The following ELL2 variants were observed in gnomAD, a reference collection of about 807,000 sequenced individuals.
ELL2 encodes the protein RNA polymerase II elongation factor ELL2.
A neutral mutation model predicts 72.8 loss-of-function variants in ELL2; 21 were observed. That is an observed-to-expected ratio of 0.29 (90% CI 0.20 to 0.42). ELL2 has a LOEUF of 0.42. Ranked by LOEUF, ELL2 falls within the 10% of genes least tolerant of loss-of-function variation. The probability of loss-of-function intolerance (pLI) is 1.00; values close to 1 mark genes in which losing one functional copy is unlikely to be tolerated. For synonymous variants in ELL2, 266 were observed against 283.2 expected (o/e 0.94, Z 0.61); for missense variants, 568 against 772.8 (o/e 0.73, Z 3.14).
intron 3 of ELL2, among the ~76,000 whole-genome samples, chr5:95,918,701 C>T (rs1378173342): frequency 6.6e-6 from 1 of 152,160 alleles, no homozygotes; most frequent in Non-Finnish European, 1.5e-5. Flanking sequence ...ACCCTAACCT[C>T]CCTTGTCTAT....
At chr5:95,898,900 CCTTA>C in intron 7 of ELL2, 90 bp from the exon 8 acceptor site, 1 of 922,852 alleles carries the variant, frequency 1.1e-6, no homozygotes. Context: ...AACTAAGTAA[CCTTA>C]CTTACTATTA....
intron 2 of ELL2, among the ~76,000 whole-genome samples, chr5:95,928,680 T>C (rs542647044): frequency 7.2e-5 from 11 of 152,350 alleles, no homozygotes; most frequent in Middle Eastern, 3.4e-3. Context: ...TATTACCTTT[T>C]GCTTGGACAA....
At chr5:95,931,828 T>G (rs1441268845) in intron 2 of ELL2, among the ~76,000 whole-genome samples, 1 of 134,150 alleles carries the variant, frequency 7.5e-6, no homozygotes, top group Non-Finnish European at 1.5e-5. Context: ...AAAATACTGC[T>G]TTCAGATTCC....
At chr5:95,945,349 A>G (rs1358045476) in intron 1 of ELL2, among the ~76,000 whole-genome samples, 3 of 152,188 alleles carry the variant, frequency 2.0e-5, no homozygotes, top group African/African-American at 4.8e-5. Flanking sequence ...AGTCGTTTAC[A>G]TACTACATGC....
At chr5:95,907,967 G>C (rs1429508833) in intron 4 of ELL2, among the ~76,000 whole-genome samples, 1 of 152,160 alleles carries the variant, frequency 6.6e-6, no homozygotes, top group Non-Finnish European at 1.5e-5. Flanking sequence ...TGTGTGTTTT[G>C]ATTCCATCCT....
At chr5:95,946,047 A>G (rs937555942) in intron 1 of ELL2, among the ~76,000 whole-genome samples, 1 of 152,142 alleles carries the variant, frequency 6.6e-6, no homozygotes, top group African/African-American at 2.4e-5. Flanking sequence ...AACTTGATAA[A>G]CTATTGGAGG....
chr5:95,926,642 A>G (rs1750290439), intron 2 of ELL2, among the ~76,000 whole-genome samples: 1 of 152,142 alleles, frequency 6.6e-6, no homozygotes, highest in African/African-American at 2.4e-5. Context: ...CCAGTATTAA[A>G]ATTTCTAGTT....
intron 2 of ELL2, among the ~76,000 whole-genome samples, chr5:95,921,432 T>C (rs1750081279): frequency 6.6e-6 from 1 of 152,220 alleles, no homozygotes; most frequent in Non-Finnish European, 1.5e-5. Flanking sequence ...ATCTATTTTA[T>C]AAATATCTTT....
chr5:95,918,502 C>CT (rs1169476980), intron 3 of ELL2, among the ~76,000 whole-genome samples: 1 of 152,128 alleles, frequency 6.6e-6, no homozygotes, highest in Non-Finnish European at 1.5e-5. Context: ...AGGTAAAACT[C>CT]TGTCAGTGTC....
intron 2 of ELL2, among the ~76,000 whole-genome samples, chr5:95,932,183 T>C (rs1750626269): frequency 6.6e-6 from 1 of 152,106 alleles, no homozygotes; most frequent in Admixed American, 6.5e-5. Context: ...ATAAAGAAAA[T>C]AAAACTATTT....
intron 1 of ELL2, among the ~76,000 whole-genome samples, chr5:95,958,500 C>T (rs1310863398): frequency 1.3e-5 from 2 of 152,180 alleles, no homozygotes; most frequent in African/African-American, 2.4e-5. Flanking sequence ...GTATCTATCT[C>T]ATTTTTTTGG....
At chr5:95,923,981 G>A (rs1297095003) in intron 2 of ELL2, among the ~76,000 whole-genome samples, 2 of 152,182 alleles carry the variant, frequency 1.3e-5, no homozygotes, top group African/African-American at 4.8e-5. Flanking sequence ...CCAATGGACA[G>A]GAAAGCAGGA....
chr5:95,936,249 T>G (rs931662730), intron 2 of ELL2, among the ~76,000 whole-genome samples: 3 of 152,232 alleles, frequency 2.0e-5, no homozygotes, highest in African/African-American at 7.2e-5. Flanking sequence ...TTTCTCATAT[T>G]AGAGAGGTCA....
intron 3 of ELL2, among the ~76,000 whole-genome samples, chr5:95,914,212 G>GTTC (rs2112302207): frequency 6.6e-6 from 1 of 152,062 alleles, no homozygotes; most frequent in South Asian, 2.1e-4. Flanking sequence ...TGAGACCAGA[G>GTTC]TTCTGATGGG....
chr5:95,890,920 GGT>G (rs2112264918), intron 10 of ELL2, 181 bp downstream of exon 10: 2 of 694,050 alleles, frequency 2.9e-6, no homozygotes, highest in East Asian at 5.6e-5. Flanking sequence ...TAGAAATACA[GGT>G]TTACTATGTT....
Position 95,887,130 on chromosome 5 carries a change from A to C in ELL2, c.*1741T>G, listed in dbSNP as rs923503681. ...AGAGCACCAGGGATCTCAATGCTAA[A>C]AGAAACAGAATTCCTTAGGAGGTCC... On this transcript the variant is annotated 3_prime_UTR_variant, in exon 12 of 12. Coordinates refer to ENST00000237853, the MANE Select transcript of ELL2 (RefSeq NM_012081.6). The C allele has an allele frequency of 1.3e-5, 2 of 152,204 alleles. No homozygotes were observed. Among genetic ancestry groups the C allele is most frequent in the African/African-American group, 4.8e-5 (2 of 41,464 alleles). The allele number at this position is 152,204 out of a possible 1,614,324, so 9.4% of individuals were successfully genotyped here. A position where few individuals can be genotyped will look rare whatever the true frequency, so the allele number is the denominator to read the frequency against.
chr5:95,902,833 G>A (rs1006923394), intron 5 of ELL2, among the ~76,000 whole-genome samples: 1 of 152,128 alleles, frequency 6.6e-6, no homozygotes, highest in African/African-American at 2.4e-5. Flanking sequence ...CCAGGCTGGA[G>A]TCCAGTGGCA....
rs763566281 is a variant in ELL2 at position 95,889,014 on chromosome 5, A to G, written c.1807-27T>C. ...TGCAGATGAAAAAAAAAAAAAAAAA[A>G]GAGGAATGAGATTGCAGAATTTACA... is the stretch of plus-strand genomic sequence containing the variant. On this transcript the variant is annotated intron_variant, in intron 11 of 11. Coordinates refer to ENST00000237853, the MANE Select transcript of ELL2 (RefSeq NM_012081.6). 14 of 1,537,110 alleles carry G rather than the reference A, an allele frequency of 9.1e-6. No homozygotes were observed. The African/African-American group carries it at 1.7e-4, about 18-fold the overall frequency.
At position 95,943,156 on chromosome 5, in the gene ELL2, CA is replaced by C. The variant is rs549743020; in HGVS notation, c.148-108del. The C allele has an allele frequency of 6.2e-4, 524 of 841,670 alleles. 8 individuals carry two copies. The South Asian group carries it at 0.011, about 17-fold the overall frequency. 52.1% of individuals were successfully genotyped at this position (841,670 alleles called of 1,614,324 possible). On this transcript the variant is annotated intron_variant, in intron 1 of 11. Transcript: ENST00000237853. ...GTTATTTGGGCCAGGCACAGTGACT[CA>C]TGACTCTAATCCCAGCACTTTGGGA...
Sources: allele counts gnomAD v4.1 joint callset (sites outside exome capture counted in the v4.1 genomes callset), GRCh38; gene constraint gnomAD v4.1.1; transcripts MANE v1.5; gene names NCBI Gene and HGNC (gene_info 2026-07-23, HGNC 2026-07-21).